Variants in CDK13 observed in about 807,000 individuals in gnomAD.
CDK13 encodes the protein cyclin-dependent kinase 13.
In CDK13, 40 loss-of-function variants were observed where a neutral mutation model predicts 137.6. The ratio of observed to expected loss-of-function variants is 0.29; its 90% CI spans 0.23 to 0.38. The LOEUF (loss-of-function observed/expected upper bound fraction) is 0.38, where lower values mean the gene tolerates loss of function less well. CDK13 is among the 10% of genes least tolerant of loss of function. CDK13 has a pLI of 1.00. For synonymous variants in CDK13, 869 were observed against 760.1 expected (o/e 1.14, Z -2.36); for missense variants, 1,704 against 1,951.8 (o/e 0.87, Z 2.39).
At chr7:40,002,246 A>G in intron 5 of CDK13, 1 of 365,938 alleles carries the variant, frequency 2.7e-6, no homozygotes, top group Admixed American at 4.4e-5. Flanking sequence ...AATATTACAC[A>G]TAAAGTATTC....
intron 12 of CDK13, chr7:40,092,290 C>G (rs1291299056): frequency 6.4e-6 from 1 of 155,284 alleles, no homozygotes; most frequent in Non-Finnish European, 1.4e-5. Flanking sequence ...CAGATCTCAC[C>G]TCTGCCACTT....
At chr7:39,992,451 C>T (rs968707495) in intron 2 of CDK13, among the ~76,000 whole-genome samples, 1 of 152,000 alleles carries the variant, frequency 6.6e-6, no homozygotes, top group Non-Finnish European at 1.5e-5. Flanking sequence ...CTGCCTCGGC[C>T]TCCCAAAATG....
At chr7:40,075,525 T>TATA (rs967263449) in intron 9 of CDK13, among the ~76,000 whole-genome samples, 3 of 152,190 alleles carry the variant, frequency 2.0e-5, no homozygotes, top group African/African-American at 7.2e-5. Flanking sequence ...AAACTGTTGT[T>TATA]TATTATAAGA....
intron 1 of CDK13, 134 bp downstream of exon 1, chr7:39,951,986 C>A: frequency 3.0e-6 from 3 of 1,006,410 alleles, no homozygotes; most frequent in Non-Finnish European, 3.9e-6. Context: ...CCTGAGCCTC[C>A]CAGGAAGGAT....
At position 40,008,848 on chromosome 7, in the gene CDK13, C is replaced by G. The variant is rs150596371; in HGVS notation, c.2353+6817C>G. On this transcript the variant is annotated intron_variant, in intron 5 of 13. Coordinates refer to ENST00000181839, the MANE Select transcript of CDK13 (RefSeq NM_003718.5). ...TATGTTATGTAAAAGATAAAACTTA[C>G]AAAATAGTCTGCGTTCTACATTTTA... is the stretch of plus-strand genomic sequence containing the variant. 4.7e-3 allele frequency among the ~76,000 whole-genome samples: 709 copies of G among 152,202 alleles called. 5 individuals carry two copies. Among genetic ancestry groups the G allele is most frequent in the African/African-American group, 0.015 (636 of 41,538 alleles).
chr7:40,077,768 A>C (rs1242231121), intron 9 of CDK13, among the ~76,000 whole-genome samples: 1 of 152,194 alleles, frequency 6.6e-6, no homozygotes, highest in Non-Finnish European at 1.5e-5. Flanking sequence ...AGGCAGGAGA[A>C]TCACTTGAAC....
intron 5 of CDK13, among the ~76,000 whole-genome samples, chr7:40,011,468 T>C (rs1583985544): frequency 1.3e-5 from 2 of 152,348 alleles, no homozygotes; most frequent in South Asian, 2.1e-4. Flanking sequence ...ATTGAGAGTC[T>C]AGAAATTAAT....
intron 3 of CDK13, 62 bp from the exon 4 acceptor site, chr7:39,999,299 T>C: frequency 2.2e-6 from 3 of 1,385,942 alleles, no homozygotes; most frequent in Non-Finnish European, 2.0e-6. Flanking sequence ...GATATTGAGT[T>C]ATTAGACAGT....
chr7:40,033,338 A>G (rs1454000840), intron 5 of CDK13, among the ~76,000 whole-genome samples: 5 of 152,136 alleles, frequency 3.3e-5, no homozygotes, highest in African/African-American at 1.2e-4. Context: ...TTAGAGCTCT[A>G]GGAATATTAA....
chr7:40,061,086 G>A (rs1440585504), intron 7 of CDK13: 2 of 151,520 alleles, frequency 1.3e-5, no homozygotes, highest in African/African-American at 4.8e-5. Flanking sequence ...AAAAAGGGCG[G>A]GGGGGCTAAA....
intron 9 of CDK13, among the ~76,000 whole-genome samples, chr7:40,076,489 G>A (rs529997590): frequency 4.1e-4 from 63 of 152,276 alleles, no homozygotes; most frequent in Non-Finnish European, 7.1e-4. Flanking sequence ...GACTAGGAAG[G>A]CAGATTGGGA....
intron 5 of CDK13, among the ~76,000 whole-genome samples, chr7:40,022,862 T>C (rs78841801): frequency 6.6e-6 from 1 of 151,540 alleles, no homozygotes; most frequent in Non-Finnish European, 1.5e-5. Context: ...CGTCTTCTTT[T>C]TTTTTTTTTT....
At chr7:39,966,812 G>C (rs1170961732) in intron 1 of CDK13, among the ~76,000 whole-genome samples, 2 of 152,102 alleles carry the variant, frequency 1.3e-5, no homozygotes, top group East Asian at 3.9e-4. Context: ...CTTTCTGCTT[G>C]TTAGCTTTCC....
At chr7:39,983,098 C>T (rs1448981382) in intron 1 of CDK13, among the ~76,000 whole-genome samples, 1 of 152,110 alleles carries the variant, frequency 6.6e-6, no homozygotes, top group Non-Finnish European at 1.5e-5. Context: ...CTTGCCCATG[C>T]CTATGTCCTG....
At chr7:39,980,528 G>T (rs753499748) in intron 1 of CDK13, among the ~76,000 whole-genome samples, 3 of 152,098 alleles carry the variant, frequency 2.0e-5, no homozygotes, top group African/African-American at 7.2e-5. Flanking sequence ...TACCTTTTTG[G>T]GGGGGTTAAT....
intron 7 of CDK13, chr7:40,048,747 C>T (rs1286819795): frequency 6.6e-6 from 1 of 151,324 alleles, no homozygotes; most frequent in East Asian, 1.9e-4. Flanking sequence ...TAAACAAAAA[C>T]TCTCGTTTGA....
chr7:39,973,601 T>C (rs1235081895), intron 1 of CDK13, among the ~76,000 whole-genome samples: 2 of 152,262 alleles, frequency 1.3e-5, no homozygotes, highest in Non-Finnish European at 2.9e-5. Flanking sequence ...AAAAGTATTT[T>C]ATTTTGATGG....
At position 39,951,910 on chromosome 7, in the gene CDK13, G is replaced by C. The variant is rs567276409; in HGVS notation, c.1211+58G>C. 124 of 1,316,344 alleles carry C rather than the reference G, an allele frequency of 9.4e-5. No homozygotes were observed. The African/African-American group carries it at 1.3e-3, about 14-fold the overall frequency. The allele number at this position is 1,316,344 out of a possible 1,614,324, so 81.5% of individuals were successfully genotyped here. ...GGCTGCGCTGGCCAGATCCCCAGGA[G>C]GAAGGGAAAGTGGTGCCCGGGTCCT... On this transcript the variant is annotated intron_variant, in intron 1 of 13. Coordinates refer to ENST00000181839, the MANE Select transcript of CDK13 (RefSeq NM_003718.5).
intron 11 of CDK13, among the ~76,000 whole-genome samples, chr7:40,079,148 C>T (rs968851950): frequency 7.9e-5 from 12 of 152,016 alleles, no homozygotes; most frequent in African/African-American, 2.2e-4. Flanking sequence ...CTGCCGGGCG[C>T]GGTGGCTCAC....
Sources: gnomAD v4.1 joint callset for allele counts (sites outside exome capture counted in the v4.1 genomes callset) on GRCh38, gnomAD v4.1.1 for gene constraint, MANE v1.5 for transcripts, NCBI Gene and HGNC (gene_info 2026-07-23, HGNC 2026-07-21) for gene names.